ARHGAP24: variants seen among roughly 807,000 people sequenced by gnomAD.
ARHGAP24 encodes the protein rho GTPase-activating protein 24.
Under a neutral mutation model 76.4 loss-of-function variants are expected in ARHGAP24, and 50 were observed. The ratio of observed to expected loss-of-function variants is 0.65; its 90% confidence interval spans 0.52 to 0.83. ARHGAP24 has a LOEUF of 0.83. Among genes scored for constraint, ARHGAP24 ranks in the 40% least tolerant of loss-of-function variants. The pLI is 0.00. For synonymous variants in ARHGAP24, 345 were observed against 323.3 expected, an observed-to-expected ratio of 1.07 and a Z score of -0.72; for missense variants, 930 against 914.2, an observed-to-expected ratio of 1.02 and a Z score of -0.22.
chr4:85,524,824 G>T (rs1415772510), intron 1 of ARHGAP24, among the ~76,000 whole-genome samples: 1 of 152,166 alleles, frequency 6.6e-6, no homozygotes, highest in East Asian at 1.9e-4. Context: ...GATGCTTTCA[G>T]TGTGCAAATT....
At chr4:85,591,031 G>GTTTTTTTTT (rs35373441) in intron 2 of ARHGAP24, among the ~76,000 whole-genome samples, 1 of 62,654 alleles carries the variant, frequency 1.6e-5, no homozygotes, top group African/African-American at 6.8e-5. Context: ...AATCTGCTGG[G>GTTTTTTTTT]TTTTTTTTTT....
At chr4:85,899,741 T>C (rs1013162404) in intron 3 of ARHGAP24, among the ~76,000 whole-genome samples, 2 of 152,204 alleles carry the variant, frequency 1.3e-5, no homozygotes, top group South Asian at 2.1e-4. Flanking sequence ...ATCTGTATTA[T>C]GTAATAGCAT....
At chr4:85,820,371 A>G (rs1037126057) in intron 3 of ARHGAP24, among the ~76,000 whole-genome samples, 2 of 152,126 alleles carry the variant, frequency 1.3e-5, no homozygotes, top group Admixed American at 6.6e-5. Flanking sequence ...ATCCTTAGCA[A>G]ACTAACACAG....
chr4:85,525,581 A>G lies in ARHGAP24; in HGVS notation c.-20-44941A>G, dbSNP rs575347577. On this transcript the variant is annotated intron_variant, in intron 1 of 9. Transcript: ENST00000395184. The stretch of plus-strand genomic sequence containing the variant: ...ATGCTATTTGAGGCAAGAACATTTT[A>G]TAAATTAGCCATGCAATTATTGAGC... Among the ~76,000 whole-genome samples, 15 of 152,240 alleles carry G rather than the reference A, an allele frequency of 9.9e-5. 1 individual carries two copies. In the South Asian group the frequency reaches 3.1e-3, roughly 32 times the overall value.
chr4:85,956,729 A>G (rs1737923805), intron 5 of ARHGAP24, among the ~76,000 whole-genome samples: 1 of 152,208 alleles, frequency 6.6e-6, no homozygotes, highest in Non-Finnish European at 1.5e-5. Flanking sequence ...GGGAGGGGCA[A>G]TGGACGCCTC....
At chr4:85,904,475 T>C (rs937658916) in intron 3 of ARHGAP24, among the ~76,000 whole-genome samples, 2 of 152,212 alleles carry the variant, frequency 1.3e-5, no homozygotes, top group Non-Finnish European at 2.9e-5. Context: ...CAATTCAGCA[T>C]GTGATCTGGG....
At chr4:85,814,696 C>G (rs778239205) in intron 3 of ARHGAP24, among the ~76,000 whole-genome samples, 63 of 152,150 alleles carry the variant, frequency 4.1e-4, no homozygotes, top group Non-Finnish European at 7.5e-4. Flanking sequence ...GTGTCTATGG[C>G]TTTTCCAGGC....
chr4:85,627,370 G>C (rs78227704), intron 2 of ARHGAP24, among the ~76,000 whole-genome samples: 2 of 152,204 alleles, frequency 1.3e-5, no homozygotes, highest in Admixed American at 1.3e-4. Flanking sequence ...TATCATTAGC[G>C]GTGGCTGCAG....
At chr4:85,708,010 A>G (rs1265512418) in intron 2 of ARHGAP24, among the ~76,000 whole-genome samples, 1 of 152,132 alleles carries the variant, frequency 6.6e-6, no homozygotes, top group East Asian at 1.9e-4. Flanking sequence ...TGCTGTTCAG[A>G]ACTTGGACTA....
intron 1 of ARHGAP24, among the ~76,000 whole-genome samples, chr4:85,492,829 C>T (rs1168672621): frequency 6.6e-6 from 1 of 152,114 alleles, no homozygotes; most frequent in East Asian, 1.9e-4. Flanking sequence ...TGATAAAATA[C>T]TATTAACTAA....
chr4:85,762,899 A>G (rs940030099), intron 3 of ARHGAP24, among the ~76,000 whole-genome samples: 6 of 152,220 alleles, frequency 3.9e-5, no homozygotes, highest in African/African-American at 1.4e-4. Context: ...AAGAAAAACA[A>G]GATGACAGGG....
intron 3 of ARHGAP24, among the ~76,000 whole-genome samples, chr4:85,896,379 C>G (rs899870574): frequency 8.5e-5 from 13 of 152,234 alleles, no homozygotes; most frequent in African/African-American, 3.1e-4. Flanking sequence ...CTCCTGTGGC[C>G]ATATCCTACC....
chr4:85,669,185 G>T (rs1235948371), intron 2 of ARHGAP24, among the ~76,000 whole-genome samples: 1 of 152,096 alleles, frequency 6.6e-6, no homozygotes. Flanking sequence ...TTTTATACTG[G>T]TGTCCATGCA....
At chr4:85,808,251 C>A (rs1469431588) in intron 3 of ARHGAP24, among the ~76,000 whole-genome samples, 1 of 152,190 alleles carries the variant, frequency 6.6e-6, no homozygotes, top group East Asian at 1.9e-4. Context: ...TATAAGCAGG[C>A]ATTTTCAGAC....
In ARHGAP24 at chr4:85,763,030, TA is replaced by T. The variant is rs540798123; in HGVS notation, c.268+41062del. 1.7e-3 allele frequency among the ~76,000 whole-genome samples: 257 copies of T among 152,316 alleles called. 1 individual carries two copies. The highest frequency in any genetic ancestry group is 5.9e-3 in the African/African-American group (246 of 41,576). On this transcript the variant is annotated intron_variant, in intron 3 of 9. Coordinates refer to ENST00000395184, the MANE Select transcript of ARHGAP24 (RefSeq NM_001025616.3). Reference sequence around the variant, plus strand: ...ATTATTATCTAAAATGAAACATTTTTAAAAGCACCATTTTACCATTTTTTGC... The same window carrying T: ...ATTATTATCTAAAATGAAACATTTTTAAAGCACCATTTTACCATTTTTTGC...
At chr4:85,977,474 A>G (rs904576813) in intron 7 of ARHGAP24, 96 bp from the exon 8 acceptor site, 4 of 1,386,096 alleles carry the variant, frequency 2.9e-6, no homozygotes, top group Non-Finnish European at 4.0e-6. Context: ...TCATCTTTGA[A>G]CATAACTTTA....
At chr4:85,662,154 T>C (rs1722414961) in intron 2 of ARHGAP24, among the ~76,000 whole-genome samples, 1 of 152,206 alleles carries the variant, frequency 6.6e-6, no homozygotes, top group African/African-American at 2.4e-5. Flanking sequence ...GTGTTCCTAT[T>C]TCTCCACATC....
intron 3 of ARHGAP24, among the ~76,000 whole-genome samples, chr4:85,863,761 C>T (rs1732032714): frequency 6.6e-6 from 1 of 151,836 alleles, no homozygotes; most frequent in Non-Finnish European, 1.5e-5. Context: ...TGGTATAAAC[C>T]CGGCGTTTGT....
chr4:85,584,194 G>A (rs1578055421), intron 2 of ARHGAP24, among the ~76,000 whole-genome samples: 1 of 152,136 alleles, frequency 6.6e-6, no homozygotes, highest in African/African-American at 2.4e-5. Context: ...AACCAACCCA[G>A]ATGTCCAACA....
Sources: gnomAD v4.1 joint callset for allele counts (sites outside exome capture counted in the v4.1 genomes callset) on GRCh38, gnomAD v4.1.1 for gene constraint, MANE v1.5 for transcripts, NCBI Gene and HGNC (gene_info 2026-07-23, HGNC 2026-07-21) for gene names.